Variants in FARP1 observed in about 807,000 individuals in gnomAD.
FARP1 encodes FERM, ARH/RhoGEF and pleckstrin domain protein 1.
Under a neutral mutation model 128.8 loss-of-function variants are expected in FARP1, and 52 were observed. The ratio of observed to expected loss-of-function variants is 0.40; its 90% CI spans 0.32 to 0.51. The LOEUF is 0.51. Ranked by LOEUF, FARP1 falls within the 20% of genes least tolerant of loss-of-function variation. The pLI is 0.45. For missense variants in FARP1, 1,333 were observed against 1,367.9 expected (o/e 0.97, Z 0.40); for synonymous variants, 580 against 551.8 (o/e 1.05, Z -0.72).
intron 1 of FARP1, among the ~76,000 whole-genome samples, chr13:98,188,500 G>T (rs985070788): frequency 7.9e-5 from 12 of 152,150 alleles, no homozygotes; most frequent in African/African-American, 2.9e-4. Flanking sequence ...GGTGGAGGTT[G>T]CAGTGAGCCG....
Position 98,166,109 on chromosome 13 carries a change from C to T in FARP1, c.-24+22617C>T, listed in dbSNP as rs371442047. Among the ~76,000 whole-genome samples, 16 of 152,090 alleles carry T rather than the reference C, an allele frequency of 1.1e-4. No homozygotes were observed. In the East Asian group the frequency reaches 2.3e-3, roughly 22 times the overall value. Reference sequence around the variant, plus strand: ...TTGTTCTCTTCAGTTTAATACACTCCGAAGATGGTTTCATATTAGTACATA... The same window carrying T: ...TTGTTCTCTTCAGTTTAATACACTCTGAAGATGGTTTCATATTAGTACATA... On this transcript the variant is annotated intron_variant, in intron 1 of 26. Coordinates refer to ENST00000319562, the MANE Select transcript of FARP1 (RefSeq NM_005766.4).
At chr13:98,200,533 C>T (rs1327776672) in intron 1 of FARP1, among the ~76,000 whole-genome samples, 2 of 152,136 alleles carry the variant, frequency 1.3e-5, no homozygotes, top group Non-Finnish European at 2.9e-5. Context: ...GCTTTCTCTC[C>T]ATCTTTTAGG....
rs1443443616 is a variant in FARP1 at position 98,416,671 on chromosome 13, TAAC to T, written c.1826+4641_1826+4643del. Among the ~76,000 whole-genome samples, 16 of 152,300 alleles carry T rather than the reference TAAC, an allele frequency of 1.1e-4. No individual in the cohort carries two copies. The Middle Eastern group carries it at 0.01, about 97-fold the overall frequency. On this transcript the variant is annotated intron_variant, in intron 16 of 26. Transcript: ENST00000319562. ...TCAAATGAGTTCAGAGAAAGCCACT[TAAC>T]AACCTTTGGCGTGCAGTCAGGACTC...
At chr13:98,300,688 T>C (rs1885889354) in intron 2 of FARP1, among the ~76,000 whole-genome samples, 1 of 152,218 alleles carries the variant, frequency 6.6e-6, no homozygotes, top group South Asian at 2.1e-4. Flanking sequence ...CTGTACTTTT[T>C]TTCTAAAATA....
At chr13:98,313,242 T>TACACACACACACACACAC (rs71111943) in intron 2 of FARP1, among the ~76,000 whole-genome samples, 2 of 119,958 alleles carry the variant, frequency 1.7e-5, no homozygotes, top group African/African-American at 6.5e-5. Flanking sequence ...TGGGTCATAA[T>TACACACACACACACACAC]ACACACACAC....
chr13:98,390,273 T>C (rs1177059712), intron 10 of FARP1, among the ~76,000 whole-genome samples, 153 bp downstream of exon 10: 3 of 152,208 alleles, frequency 2.0e-5, no homozygotes, highest in Admixed American at 2.0e-4. Flanking sequence ...TTAATCCCAG[T>C]GGGCTCTGTT....
Position 98,368,268 on chromosome 13 carries a change from G to T in FARP1, c.398+73G>T, listed in dbSNP as rs994823885. The T allele has an allele frequency of 6.4e-5, 68 of 1,060,218 alleles. No individual in the cohort carries two copies. In the Admixed American group the frequency reaches 1.2e-3, roughly 19 times the overall value. 65.7% of individuals were successfully genotyped at this position (1,060,218 alleles called of 1,614,324 possible). A position where few individuals can be genotyped will look rare whatever the true frequency, so the allele number is the denominator to read the frequency against. ...AAAGAGAAAATGAATGTTCTCAATT[G>T]ATGACACAAACATTTTCATAATGTT... On this transcript the variant is annotated intron_variant, in intron 5 of 26. Coordinates refer to ENST00000319562, the MANE Select transcript of FARP1 (RefSeq NM_005766.4).
chr13:98,171,042 A>G (rs1377509672), intron 1 of FARP1, among the ~76,000 whole-genome samples: 1 of 152,178 alleles, frequency 6.6e-6, no homozygotes, highest in Non-Finnish European at 1.5e-5. Flanking sequence ...GATGGTCCTG[A>G]GAATAATTCT....
chr13:98,429,717 T>C (rs2139041824), intron 17 of FARP1, among the ~76,000 whole-genome samples: 1 of 152,070 alleles, frequency 6.6e-6, no homozygotes, highest in East Asian at 1.9e-4. Context: ...GTTTCCAGCT[T>C]TTTCCGGGGC....
intron 2 of FARP1, among the ~76,000 whole-genome samples, chr13:98,258,133 A>AT (rs970995077): frequency 3.3e-5 from 5 of 151,888 alleles, no homozygotes; most frequent in African/African-American, 9.7e-5. Flanking sequence ...TGCCCGGCTA[A>AT]TTTTTTTGTA....
intron 1 of FARP1, among the ~76,000 whole-genome samples, chr13:98,145,278 G>A (rs1811336164): frequency 6.6e-6 from 1 of 152,156 alleles, no homozygotes; most frequent in African/African-American, 2.4e-5. Context: ...CCCCGCCCCC[G>A]TTACTTGGGG....
chr13:98,419,683 A>G (rs1344122887), intron 16 of FARP1, among the ~76,000 whole-genome samples: 1 of 152,190 alleles, frequency 6.6e-6, no homozygotes, highest in Non-Finnish European at 1.5e-5. Flanking sequence ...ATTTAGAATC[A>G]TAGAGACTGC....
At chr13:98,278,992 ATTT>A (rs34010258) in intron 2 of FARP1, among the ~76,000 whole-genome samples, 2 of 137,760 alleles carry the variant, frequency 1.5e-5, no homozygotes, top group African/African-American at 2.8e-5. Context: ...CGCCCTGCTA[ATTT>A]TTTTTTTTTT....
intron 2 of FARP1, among the ~76,000 whole-genome samples, chr13:98,258,644 A>G (rs948100889): frequency 3.3e-5 from 5 of 152,076 alleles, no homozygotes; most frequent in Admixed American, 1.3e-4. Context: ...TCTTGAGGCC[A>G]GGAGATCAAG....
At chr13:98,428,979 G>A (rs1156255918) in intron 17 of FARP1, among the ~76,000 whole-genome samples, 1 of 152,206 alleles carries the variant, frequency 6.6e-6, no homozygotes, top group Admixed American at 6.5e-5. Flanking sequence ...TAAGCTCTGT[G>A]GGCTGTACCA....
chr13:98,311,508 A>G lies in FARP1; in HGVS notation c.172-32254A>G, dbSNP rs556354507. 3.3e-5 allele frequency among the ~76,000 whole-genome samples: 5 copies of G among 152,258 alleles called. No individual in the cohort carries two copies. The East Asian group carries it at 7.7e-4, about 24-fold the overall frequency. The stretch of plus-strand genomic sequence containing the variant: ...CATACTCTCTTCATCCTTTCCTGCC[A>G]GTTGAGAGCAAGGAAAATCGGCAGA... On this transcript the variant is annotated intron_variant, in intron 2 of 26. Transcript: ENST00000319562.
chr13:98,176,520 C>G lies in FARP1; in HGVS notation c.-24+33028C>G. 6.2e-7 allele frequency: 1 copy of G among 1,614,182 alleles called. No individual in the cohort carries two copies. The highest frequency in any genetic ancestry group is 8.5e-7 in the Non-Finnish European group (1 of 1,180,034). On this transcript the variant is annotated intron_variant, in intron 1 of 26. Transcript: ENST00000319562. This position sits in a 1 kb window ranked among gnomAD's most constrained non-coding sequence, Gnocchi z 6.2. ...CGCTTCCCACTTCATGGTTTTCGTC[C>G]TCGCAGATACAGTAGCGACCCTCTT...
At chr13:98,299,422 A>G (rs995127925) in intron 2 of FARP1, among the ~76,000 whole-genome samples, 1 of 152,208 alleles carries the variant, frequency 6.6e-6, no homozygotes, top group African/African-American at 2.4e-5. Context: ...GGCGAAATGT[A>G]TGAACACGTA....
chr13:98,185,989 C>T (rs1263342430), intron 1 of FARP1, among the ~76,000 whole-genome samples: 9 of 152,164 alleles, frequency 5.9e-5, no homozygotes, highest in Non-Finnish European at 1.3e-4. Flanking sequence ...TGAGCCACCG[C>T]GTCCGGCCAC....
Sources: gnomAD v4.1 joint callset for allele counts (sites outside exome capture counted in the v4.1 genomes callset) on GRCh38, gnomAD v4.1.1 for gene constraint, Gnocchi (gnomAD v3.1) non-coding constraint, MANE v1.5 for transcripts, NCBI Gene and HGNC (gene_info 2026-07-23, HGNC 2026-07-21) for gene names.